Variants in MAP3K6 observed in about 807,000 individuals in gnomAD.
MAP3K6 encodes the protein apoptosis signal-regulating kinase 2.
In MAP3K6, 105 loss-of-function variants were observed where a neutral mutation model predicts 147.1. The ratio of observed to expected loss-of-function variants is 0.71; its 90% confidence interval spans 0.61 to 0.84. The LOEUF (loss-of-function observed/expected upper bound fraction) is 0.84, where lower values mean the gene tolerates loss of function less well. Among genes scored for constraint, MAP3K6 ranks in the 40% least tolerant of loss-of-function variants. MAP3K6 has a pLI of 0.00. For missense variants in MAP3K6, 1,569 were observed against 1,715.0 expected (o/e 0.91, Z 1.50); for synonymous variants, 695 against 732.4 (o/e 0.95, Z 0.82).
rs1190355540 is a variant in MAP3K6, at chr1:27,357,712, T to G, written c.3080A>C (p.Gln1027Pro). The G allele has an allele frequency of 1.2e-6, 2 of 1,610,456 alleles. No homozygotes were observed. The highest frequency in any genetic ancestry group is 2.7e-5 in the African/African-American group (2 of 74,930). Residue 1027 changes from glutamine (Q) to proline (P), a missense_variant and splice_region_variant, in exon 22 of 29, where the codon CAG (glutamine) becomes CCG (proline). Physicochemically the swap from Gln to Pro is moderately conservative, Grantham distance 76 (BLOSUM62 -1). Coordinates refer to ENST00000357582, the MANE Select transcript of MAP3K6 (RefSeq NM_004672.5). ...GGGGCGCTAGAGTGGGCCGCCCACC[T>G]GCTCTTGCTTCTGCTCCTGGTGCAG... ...ENLHQEQKQE[Q>P]GARLGRNHVE...
chr1:27,361,408 A>G lies in MAP3K6; in HGVS notation c.1687-13T>C. 2 of 1,613,320 alleles carry G rather than the reference A, an allele frequency of 1.2e-6. No individual in the cohort carries two copies. Among genetic ancestry groups the G allele is most frequent in the Non-Finnish European group, 1.7e-6 (2 of 1,179,838 alleles). ...TGGAGGGAATGTCCTGCAAGAAGAA[A>G]TGGGGTGTGATGGGGAGTGCTGGTG... On this transcript the variant is annotated splice_polypyrimidine_tract_variant and intron_variant, in intron 11 of 28. Coordinates refer to ENST00000357582, the MANE Select transcript of MAP3K6 (RefSeq NM_004672.5).
chr1:27,361,184 C>A lies in MAP3K6; in HGVS notation c.1805G>T (p.Cys602Phe). The A allele has an allele frequency of 6.2e-7, 1 of 1,612,338 alleles. No individual in the cohort carries two copies. The highest frequency in any genetic ancestry group is 1.7e-5 in the Admixed American group (1 of 59,788). ...CTGGCAGTGCCCTACGCTGGGGAAG[C>A]ACAGCTGGACGTCCTGAGCCGGGGG... ...ALPPAQDVQL[C>F]FPSVGHCQWF... Residue 602 changes from cysteine to phenylalanine, a missense_variant, in exon 13 of 29, where the codon TGC becomes TTC. Physicochemically the swap from Cys to Phe is radical, Grantham distance 205. Transcript: ENST00000357582.
chr1:27,366,679 G>C lies in MAP3K6; in HGVS notation c.-82C>G, dbSNP rs1367153013. The stretch of plus-strand genomic sequence containing the variant: ...CCTGGGCCGGCAGATCAGGAATCTT[G>C]GGATCTGGAATCCGTTCGGAATCGG... On this transcript the variant is annotated 5_prime_UTR_variant, in exon 1 of 29. Coordinates refer to ENST00000357582, the MANE Select transcript of MAP3K6 (RefSeq NM_004672.5). This position sits in a 1 kb window ranked among gnomAD's most constrained non-coding sequence, Gnocchi z 5.5. 1.0e-6 allele frequency: 1 copy of C among 991,208 alleles called. No individual in the cohort carries two copies. Among genetic ancestry groups the C allele is most frequent in the African/African-American group, 1.7e-5 (1 of 57,378 alleles). 61.4% of individuals were successfully genotyped at this position (991,208 alleles called of 1,614,324 possible).
Position 27,358,078 on chromosome 1 carries a change from AC to A in MAP3K6, c.2915+102del. ...TGGGGAGGCACCAAATGCCACATTC[AC>A]AAGTGGTCAAGGTGCCCAGGTCCCC... On this transcript the variant is annotated intron_variant, in intron 21 of 28. Coordinates refer to ENST00000357582, the MANE Select transcript of MAP3K6 (RefSeq NM_004672.5). This position sits in a 1 kb window ranked among gnomAD's most constrained non-coding sequence, Gnocchi z 6.2. 1 of 1,512,946 alleles carries A rather than the reference AC, an allele frequency of 6.6e-7. No individual in the cohort carries two copies. The highest frequency in any genetic ancestry group is 8.8e-7 in the Non-Finnish European group (1 of 1,132,738). The allele number at this position is 1,512,946 out of a possible 1,614,324, so 93.7% of individuals were successfully genotyped here.
In MAP3K6 at chr1:27,362,668, CA is replaced by C. The variant is rs759417233; in HGVS notation, c.1227del (p.Phe409LeufsTer9). The C allele has an allele frequency of 1.2e-6, 2 of 1,600,556 alleles. No individual in the cohort carries two copies. The highest frequency in any genetic ancestry group is 1.7e-6 in the Non-Finnish European group (2 of 1,172,520). ...ATTAGCCGGAGCTCTTTGGAATCCT[CA>C]AAGTGCTGCCCGGCAGCAATGAGGA... ...AVLLIAAGQH[F>X]EDSKELRLIG... is the part of the protein sequence containing the mutation. On this transcript the variant is annotated frameshift_variant, in exon 8 of 29. Transcript: ENST00000357582. LOFTEE classifies it high-confidence loss of function.
Position 27,364,050 on chromosome 1 carries a change from CG to C in MAP3K6, c.730del (p.Arg244GlyfsTer29). The C allele has an allele frequency of 6.2e-7, 1 of 1,612,848 alleles. No individual in the cohort carries two copies. On this transcript the variant is annotated frameshift_variant, in exon 5 of 29. Transcript: ENST00000357582. LOFTEE classifies it high-confidence loss of function. The surrounding 1 kb of genome is among the most constrained non-coding windows in gnomAD (Gnocchi z 4.4). The part of the protein sequence containing the change: ...YFRETIRRDI[R>X]QARERFSGPQ... ...CCCACTGAACCGCTCCCGCGCCTGC[CG>C]GATGTCCCGCCGAATGGTCTCCCGG...
rs1489754369 is a variant in MAP3K6, at chr1:27,366,023, C to G, written c.340+235G>C. 6.6e-6 allele frequency among the ~76,000 whole-genome samples: 1 copy of G among 151,776 alleles called. No homozygotes were observed. The highest frequency in any genetic ancestry group is 1.5e-5 in the Non-Finnish European group (1 of 67,964). The stretch of plus-strand genomic sequence containing the variant: ...CTGAAGGGTGCCTAAGCCCCAACCT[C>G]GAGCCCTAGAGCCGCGCCCGGATCC... On this transcript the variant is annotated intron_variant, in intron 1 of 28. Coordinates refer to ENST00000357582, the MANE Select transcript of MAP3K6 (RefSeq NM_004672.5). The surrounding 1 kb of genome is among the most constrained non-coding windows in gnomAD (Gnocchi z 5.5).
At position 27,361,414 on chromosome 1, in the gene MAP3K6, T is replaced by C. The variant is rs1404433989; in HGVS notation, c.1687-19A>G. ...GAATGTCCTGCAAGAAGAAATGGGGTGTGATGGGGAGTGCTGGTGACAGGA... is the reference window on the plus strand; with the variant it reads ...GAATGTCCTGCAAGAAGAAATGGGGCGTGATGGGGAGTGCTGGTGACAGGA... On this transcript the variant is annotated intron_variant, in intron 11 of 28. Coordinates refer to ENST00000357582, the MANE Select transcript of MAP3K6 (RefSeq NM_004672.5). 2 of 1,612,350 alleles carry C rather than the reference T, an allele frequency of 1.2e-6. No individual in the cohort carries two copies. Among genetic ancestry groups the C allele is most frequent in the African/African-American group, 2.7e-5 (2 of 74,628 alleles).
Position 27,361,822 on chromosome 1 carries a change from G to T in MAP3K6, c.1461C>A (p.Phe487Leu). 6.3e-7 allele frequency: 1 copy of T among 1,598,736 alleles called. No homozygotes were observed. Residue 487 changes from phenylalanine (F) to leucine (L), a missense_variant, in exon 10 of 29, where the codon TTC becomes TTA. Physicochemically the swap from Phe to Leu is conservative, Grantham distance 22. Coordinates refer to ENST00000357582, the MANE Select transcript of MAP3K6 (RefSeq NM_004672.5). ...VMETFLLYQH[F>L]RPTPEPPGGP... is the part of the protein sequence containing the mutation. Reference sequence around the variant, plus strand: ...CTCCAGGGGGCTCTGGCGTGGGCCTGAAGTGCTGGTAGAGCAGGAAGGTCT... The same window carrying T: ...CTCCAGGGGGCTCTGGCGTGGGCCTTAAGTGCTGGTAGAGCAGGAAGGTCT...
intron 1 of MAP3K6, among the ~76,000 whole-genome samples, chr1:27,365,282 G>C (rs1283458666): frequency 6.6e-6 from 1 of 152,162 alleles, no homozygotes; most frequent in African/African-American, 2.4e-5. Flanking sequence ...CTTGAAAGGG[G>C]CTACCATCAG....
At position 27,361,512 on chromosome 1, in the gene MAP3K6, G is replaced by C; in HGVS notation, c.1686+8C>G. ...AAGGTGAGTGAGGGGCCTCAGCAGC[G>C]ACTTCACCTGGGTCTCAGGCTCCAG... On this transcript the variant is annotated splice_region_variant and intron_variant, in intron 11 of 28. Coordinates refer to ENST00000357582, the MANE Select transcript of MAP3K6 (RefSeq NM_004672.5). The C allele has an allele frequency of 6.2e-7, 1 of 1,613,848 alleles. No homozygotes were observed. The highest frequency in any genetic ancestry group is 8.5e-7 in the Non-Finnish European group (1 of 1,179,826).
Position 27,359,922 on chromosome 1 carries a change from G to T in MAP3K6, c.2255C>A (p.Thr752Asn). 8 of 1,614,150 alleles carry T rather than the reference G, an allele frequency of 5.0e-6. No individual in the cohort carries two copies. The highest frequency in any genetic ancestry group is 6.8e-6 in the Non-Finnish European group (8 of 1,180,010). Residue 752 changes from threonine to asparagine, a missense_variant, in exon 17 of 29, where the codon ACC (threonine) becomes AAC (asparagine). Thr to Asn is a moderately conservative substitution (Grantham distance 65). Transcript: ENST00000357582. The surrounding 1 kb of genome is among the most constrained non-coding windows in gnomAD (Gnocchi z 4.4). Reference sequence around the variant, plus strand: ...GCCAAGTCCCTGCAGGATCTGGCGGGTGTAGAAACTGATGGTGCTCTCGTT... The same window carrying T: ...GCCAAGTCCCTGCAGGATCTGGCGGTTGTAGAAACTGATGGTGCTCTCGTT... ...KDNESTISFY[T>N]RQILQGLGYL... is the part of the protein sequence containing the mutation.
In MAP3K6 at chr1:27,355,478, A is replaced by G. The variant is rs776448014; in HGVS notation, c.3789-9T>C. On this transcript the variant is annotated splice_polypyrimidine_tract_variant and intron_variant, in intron 28 of 28. Coordinates refer to ENST00000357582, the MANE Select transcript of MAP3K6 (RefSeq NM_004672.5). ...GGCATACCATCCCTCCCCTGGGGGT[A>G]ATGGACTCAGTGTGGCTCAGCCAGA... The G allele has an allele frequency of 1.3e-5, 21 of 1,613,908 alleles. No homozygotes were observed. Among genetic ancestry groups the G allele is most frequent in the Non-Finnish European group, 1.8e-5 (21 of 1,179,864 alleles).
In MAP3K6 at chr1:27,366,529, C is replaced by T. The variant is rs2015994847; in HGVS notation, c.69G>A (p.Val23=). Residue 23 remains valine (V), a synonymous_variant, in exon 1 of 29, where the codon GTG becomes GTA. Coordinates refer to ENST00000357582, the MANE Select transcript of MAP3K6 (RefSeq NM_004672.5). This position sits in a 1 kb window ranked among gnomAD's most constrained non-coding sequence, Gnocchi z 5.5. ...AGSCWQDPLA[V]ALSRGRQLAA... ...CGAGCTGCCGGCCCCGGCTCAGCGCCACGGCCAGCGGGTCCTGCCAGCAGC... is the reference window on the plus strand; with the variant it reads ...CGAGCTGCCGGCCCCGGCTCAGCGCTACGGCCAGCGGGTCCTGCCAGCAGC... The T allele has an allele frequency of 1.8e-6, 2 of 1,103,054 alleles. No individual in the cohort carries two copies. The highest frequency in any genetic ancestry group is 1.1e-6 in the Non-Finnish European group (1 of 907,056). The allele number at this position is 1,103,054 out of a possible 1,614,324, so 68.3% of individuals were successfully genotyped here.
Position 27,356,762 on chromosome 1 carries a change from G to A in MAP3K6, c.3365-13C>T, listed in dbSNP as rs756816463. 1.3e-6 allele frequency: 2 copies of A among 1,541,538 alleles called. No individual in the cohort carries two copies. Among genetic ancestry groups the A allele is most frequent in the East Asian group, 4.5e-5 (2 of 44,200 alleles). The stretch of plus-strand genomic sequence containing the variant: ...TCCTTCTCCACCTCTGCAGCCCAGT[G>A]CGGTGAACTCAGGCAAGGCTACAAC... On this transcript the variant is annotated splice_polypyrimidine_tract_variant and intron_variant, in intron 24 of 28. Transcript: ENST00000357582.
intron 23 of MAP3K6, 22 bp downstream of exon 23, chr1:27,357,378 A>G (rs1352198293): frequency 8.2e-6 from 13 of 1,584,866 alleles, no homozygotes; most frequent in Non-Finnish European, 1.1e-5. Context: ...GGGCAGCTCT[A>G]ACTACCAGAA....
In MAP3K6 at chr1:27,355,336, C is replaced by T. The variant is rs1471515372; in HGVS notation, c.*55G>A. 1.3e-6 allele frequency: 2 copies of T among 1,519,178 alleles called. No individual in the cohort carries two copies. The highest frequency in any genetic ancestry group is 1.8e-6 in the Non-Finnish European group (2 of 1,093,598). The allele number at this position is 1,519,178 out of a possible 1,614,324, so 94.1% of individuals were successfully genotyped here. A position where few individuals can be genotyped will look rare whatever the true frequency, so the allele number is the denominator to read the frequency against. On this transcript the variant is annotated 3_prime_UTR_variant, in exon 29 of 29. Coordinates refer to ENST00000357582, the MANE Select transcript of MAP3K6 (RefSeq NM_004672.5). Reference sequence around the variant, plus strand: ...TGGTGTGTCAGAAGCTGCCTTTGTCCTCTCCATTCATCCATCCTTGGGCCT... The same window carrying T: ...TGGTGTGTCAGAAGCTGCCTTTGTCTTCTCCATTCATCCATCCTTGGGCCT...
Position 27,360,993 on chromosome 1 carries a change from G to T in MAP3K6, c.1848C>A (p.Ile616=). ...VGHCQWFCGL[I]QAWVTNPDST... The stretch of plus-strand genomic sequence containing the variant: ...AATCCGGGTTCGTCACCCAGGCCTG[G>T]ATCAGGCCGCAGAACCTGAAGGTGG... The change falls in exon 14 of 29, where the codon ATC becomes ATA. Residue 616 remains isoleucine, a synonymous_variant. Transcript: ENST00000357582. The surrounding 1 kb of genome is among the most constrained non-coding windows in gnomAD (Gnocchi z 4.5). 6.3e-7 allele frequency: 1 copy of T among 1,599,520 alleles called. No homozygotes were observed. The highest frequency in any genetic ancestry group is 8.5e-7 in the Non-Finnish European group (1 of 1,172,560).
rs2015738158 is a variant in MAP3K6 at position 27,360,954 on chromosome 1, C to T, written c.1887G>A (p.Ala629=). ...WVTNPDSTAP[A]EEAEGAGEML... Reference sequence around the variant, plus strand: ...TCTCCCCCGCGCCCTCCGCCTCCTCCGCGGGCGCCGTGGAATCCGGGTTCG... The same window carrying T: ...TCTCCCCCGCGCCCTCCGCCTCCTCTGCGGGCGCCGTGGAATCCGGGTTCG... Residue 629 remains alanine (A), a synonymous_variant, in exon 14 of 29, where the codon GCG becomes GCA. Transcript: ENST00000357582. The surrounding 1 kb of genome is among the most constrained non-coding windows in gnomAD (Gnocchi z 4.5). 6.2e-6 allele frequency: 10 copies of T among 1,607,548 alleles called. No individual in the cohort carries two copies. The highest frequency in any genetic ancestry group is 8.5e-6 in the Non-Finnish European group (10 of 1,176,848).
Sources: gnomAD v4.1 joint callset for allele counts (sites outside exome capture counted in the v4.1 genomes callset) on GRCh38, gnomAD v4.1.1 for gene constraint, Gnocchi (gnomAD v3.1) non-coding constraint, MANE v1.5 for transcripts, NCBI Gene and HGNC (gene_info 2026-07-23, HGNC 2026-07-21) for gene names.